The following WTAP variants were observed in gnomAD, a reference collection of about 807,000 sequenced individuals.
The protein encoded by WTAP is WT1 associated protein.
In WTAP, 8 loss-of-function variants were observed where a neutral mutation model predicts 50.0. The ratio of observed to expected loss-of-function variants is 0.16; its 90% confidence interval spans 0.09 to 0.29. WTAP has a LOEUF of 0.29. Among genes scored for constraint, WTAP ranks in the 10% least tolerant of loss-of-function variants. The pLI is 1.00. For missense variants in WTAP, 295 were observed against 470.7 expected, an observed-to-expected ratio of 0.63 and a Z score of 3.45; for synonymous variants, 194 against 169.0, an observed-to-expected ratio of 1.15 and a Z score of -1.15.
At chr6:159,739,249 A>G (rs1010782683) in intron 3 of WTAP, among the ~76,000 whole-genome samples, 8 of 152,310 alleles carry the variant, frequency 5.3e-5, no homozygotes, top group South Asian at 2.1e-4. Context: ...CTAGGAAGCT[A>G]TAAGTTTAAC....
rs770408749 is a variant in WTAP, at chr6:159,755,619, T to G, written c.*8T>G. The G allele has an allele frequency of 1.3e-6, 2 of 1,579,682 alleles. No homozygotes were observed. The highest frequency in any genetic ancestry group is 1.7e-6 in the Non-Finnish European group (2 of 1,163,488). On this transcript the variant is annotated 3_prime_UTR_variant, in exon 8 of 8. Coordinates refer to ENST00000621533, the MANE Select transcript of WTAP (RefSeq NM_001270531.2). ...CAGGGTTCAGTTTTGTAATATTTTT[T>G]CAGCAAATTTTTATACAGTGTCATT...
intron 3 of WTAP, 29 bp from the exon 4 acceptor site, chr6:159,742,059 C>G (rs765009144): frequency 4.0e-6 from 6 of 1,500,974 alleles, no homozygotes; most frequent in Non-Finnish European, 4.6e-6. Context: ...TTTATCGTAA[C>G]AACTAATGTA....
chr6:159,753,986 T>C (rs1233832627), intron 7 of WTAP, among the ~76,000 whole-genome samples: 3 of 152,212 alleles, frequency 2.0e-5, no homozygotes, highest in African/African-American at 7.2e-5. Context: ...ATGGGCAGTT[T>C]TCAGCGATCT....
chr6:159,736,573 A>G, intron 2 of WTAP: 2 of 295,106 alleles, frequency 6.8e-6, no homozygotes. Flanking sequence ...GAATATTTCC[A>G]GGTCTACTCT....
Position 159,755,262 on chromosome 6 carries a change from G to T in WTAP, c.842G>T (p.Ser281Ile), listed in dbSNP as rs773660534. The T allele has an allele frequency of 6.2e-6, 10 of 1,614,088 alleles. No homozygotes were observed. Among genetic ancestry groups the T allele is most frequent in the Non-Finnish European group, 8.5e-6 (10 of 1,180,036 alleles). ...SRLTNGPSNGSSSRQRTSGSG... is the reference protein window; with the variant it reads ...SRLTNGPSNGISSRQRTSGSG... ...CTGACAAACGGACCAAGTAATGGTA[G>T]CTCCTCCCGCCAGAGGACGTCTGGG... The change falls in exon 8 of 8, where the codon AGC (serine) becomes ATC (isoleucine). Residue 281 changes from serine to isoleucine, a missense_variant. Transcript: ENST00000621533.
chr6:159,739,101 T>G, intron 3 of WTAP, 56 bp downstream of exon 3: 1 of 1,348,844 alleles, frequency 7.4e-7, no homozygotes, highest in South Asian at 1.2e-5. Flanking sequence ...ATATTGTGAC[T>G]CTACACTGTA....
chr6:159,728,435 A>C (rs1408630110), intron 1 of WTAP, among the ~76,000 whole-genome samples: 4 of 152,058 alleles, frequency 2.6e-5, no homozygotes, highest in Non-Finnish European at 5.9e-5. Context: ...CAAAACAAAA[A>C]AACTATTATT....
chr6:159,749,394 G>T, intron 6 of WTAP: 1 of 983,032 alleles, frequency 1.0e-6, no homozygotes, highest in African/African-American at 1.8e-5. Flanking sequence ...TTGCACTCTT[G>T]ATATTAAATT....
rs1385318493 is a variant in WTAP, at chr6:159,755,730, TTTG to T, written c.*125_*127del. The T allele has an allele frequency of 3.8e-5, 48 of 1,251,792 alleles. No individual in the cohort carries two copies. The African/African-American group carries it at 5.9e-4, about 15-fold the overall frequency. 77.5% of individuals were successfully genotyped at this position (1,251,792 alleles called of 1,614,324 possible). ...TTGTGGGTGTACGTTTTGGTTTTTTTTTGTTGTTTTTTTTCTTTGTTTTTTTTT... is the reference window on the plus strand; with the variant it reads ...TTGTGGGTGTACGTTTTGGTTTTTTTTTGTTTTTTTTCTTTGTTTTTTTTT... On this transcript the variant is annotated 3_prime_UTR_variant, in exon 8 of 8. Coordinates refer to ENST00000621533, the MANE Select transcript of WTAP (RefSeq NM_001270531.2).
rs755677301 is a variant in WTAP, at chr6:159,748,228, G to C, written c.311G>C (p.Ser104Thr). 9.3e-6 allele frequency: 15 copies of C among 1,613,896 alleles called. No homozygotes were observed. In the East Asian group the frequency reaches 3.3e-4, roughly 36 times the overall value. Residue 104 changes from serine to threonine, a missense_variant, in exon 6 of 8, where the codon AGC becomes ACC. Coordinates refer to ENST00000621533, the MANE Select transcript of WTAP (RefSeq NM_001270531.2). This position sits in a 1 kb window ranked among gnomAD's most constrained non-coding sequence, Gnocchi z 5.6. ...TACCTCAAGCAAGTCCAGCAGCCGA[G>C]CGTTGCCCAACTGAGATCAACAATG... ...IQYLKQVQQP[S>T]VAQLRSTMVD...
intron 6 of WTAP, among the ~76,000 whole-genome samples, chr6:159,751,117 A>T (rs1779803847): frequency 6.6e-6 from 1 of 152,178 alleles, no homozygotes. Context: ...TTGTAATTTT[A>T]AAAAATTATT....
upstream of WTAP, chr6:159,727,174 T>C (rs1435719058): frequency 8.3e-6 from 10 of 1,204,344 alleles, no homozygotes; most frequent in Non-Finnish European, 1.1e-5. Context: ...GCCAGGCTCC[T>C]GGGAAAGGAC....
chr6:159,727,102 G>A, upstream of WTAP: 1 of 1,193,438 alleles, frequency 8.4e-7, no homozygotes, highest in Non-Finnish European at 1.1e-6. Context: ...TCGCTGGCCC[G>A]CCCCTCCCCT....
chr6:159,742,067 G>C, intron 3 of WTAP, 21 bp from the exon 4 acceptor site: 6 of 1,551,720 alleles, frequency 3.9e-6, no homozygotes, highest in Non-Finnish European at 5.3e-6. Flanking sequence ...AACAACTAAT[G>C]TATGGATTTT....
chr6:159,728,690 A>G (rs1583058809), intron 1 of WTAP, among the ~76,000 whole-genome samples: 1 of 152,362 alleles, frequency 6.6e-6, no homozygotes, highest in Non-Finnish European at 1.5e-5. Flanking sequence ...CAAGATGGAT[A>G]CATTTTAATT....
Position 159,755,265 on chromosome 6 carries a change from C to G in WTAP, c.845C>G (p.Ser282Cys), listed in dbSNP as rs938753307. 5 of 1,614,062 alleles carry G rather than the reference C, an allele frequency of 3.1e-6. No individual in the cohort carries two copies. The highest frequency in any genetic ancestry group is 1.7e-5 in the Admixed American group (1 of 60,010). The change falls in exon 8 of 8, where the codon TCC (serine) becomes TGC (cysteine). Residue 282 changes from serine to cysteine, a missense_variant. Transcript: ENST00000621533. ...ACAAACGGACCAAGTAATGGTAGCTCCTCCCGCCAGAGGACGTCTGGGTCT... is the reference window on the plus strand; with the variant it reads ...ACAAACGGACCAAGTAATGGTAGCTGCTCCCGCCAGAGGACGTCTGGGTCT... ...RLTNGPSNGSSSRQRTSGSGF... is the reference protein window; with the variant it reads ...RLTNGPSNGSCSRQRTSGSGF...
intron 5 of WTAP, among the ~76,000 whole-genome samples, chr6:159,744,719 T>A (rs1779467086): frequency 6.6e-6 from 1 of 151,964 alleles, no homozygotes; most frequent in African/African-American, 2.4e-5. Flanking sequence ...TTTTTCCCAC[T>A]AACCCCCCCG....
At chr6:159,746,347 C>T (rs914381476) in intron 5 of WTAP, among the ~76,000 whole-genome samples, 1 of 152,144 alleles carries the variant, frequency 6.6e-6, no homozygotes, top group Non-Finnish European at 1.5e-5. Context: ...TTCTTACCCT[C>T]TTGAGTGAAA....
chr6:159,734,864 T>C (rs1328804933), intron 1 of WTAP, among the ~76,000 whole-genome samples: 1 of 152,208 alleles, frequency 6.6e-6, no homozygotes, highest in Non-Finnish European at 1.5e-5. Flanking sequence ...TCCAACCTTG[T>C]ATTTTAATGT....
Sources: allele counts gnomAD v4.1 joint callset (sites outside exome capture counted in the v4.1 genomes callset), GRCh38; gene constraint gnomAD v4.1.1; non-coding constraint Gnocchi (gnomAD v3.1); transcripts MANE v1.5; gene names NCBI Gene and HGNC (gene_info 2026-07-23, HGNC 2026-07-21).